ENPP1: variants seen among roughly 807,000 people sequenced by gnomAD.
ENPP1 encodes ectonucleotide pyrophosphatase/phosphodiesterase 1, also known as ectonucleotide pyrophosphatase/phosphodiesterase family member 1.
A neutral mutation model predicts 122.8 loss-of-function variants in ENPP1; 73 were observed. The ratio of observed to expected loss-of-function variants is 0.59; its 90% CI spans 0.49 to 0.72. The LOEUF (loss-of-function observed/expected upper bound fraction) is 0.72. ENPP1 is among the 30% of genes least tolerant of loss of function. The pLI, the probability that ENPP1 is intolerant of heterozygous loss-of-function variation, is 0.00. For synonymous variants in ENPP1, 367 were observed against 391.6 expected, an observed-to-expected ratio of 0.94 and a Z score of 0.74; for missense variants, 978 against 1,128.1, an observed-to-expected ratio of 0.87 and a Z score of 1.91.
intron 24 of ENPP1, among the ~76,000 whole-genome samples, chr6:131,886,995 C>A (rs1246242670): frequency 6.9e-6 from 1 of 144,652 alleles, no homozygotes; most frequent in Non-Finnish European, 1.5e-5. Flanking sequence ...AACTCCTGGC[C>A]TCTTATGATC....
At chr6:131,882,834 C>T (rs1201185865) in intron 21 of ENPP1, among the ~76,000 whole-genome samples, 3 of 151,366 alleles carry the variant, frequency 2.0e-5, no homozygotes, top group Non-Finnish European at 4.4e-5. Flanking sequence ...TTCATGGTTC[C>T]TTTCTGCATT....
intron 1 of ENPP1, among the ~76,000 whole-genome samples, chr6:131,821,074 C>G (rs1781479527): frequency 6.6e-6 from 1 of 152,140 alleles, no homozygotes; most frequent in East Asian, 1.9e-4. Context: ...CACTTTACAT[C>G]CTTAACTACC....
chr6:131,826,825 G>A, intron 1 of ENPP1: 1 of 392,566 alleles, frequency 2.5e-6, no homozygotes, highest in Non-Finnish European at 4.8e-6. Flanking sequence ...AACTGTTGAG[G>A]GAGAACACAG....
rs1351424510 is a variant in ENPP1 at position 131,893,060 on chromosome 6, T to A, written c.*2549T>A. 2 of 152,148 alleles carry A rather than the reference T, an allele frequency of 1.3e-5. No homozygotes were observed. Among genetic ancestry groups the A allele is most frequent in the African/African-American group, 4.8e-5 (2 of 41,432 alleles). 9.4% of individuals were successfully genotyped at this position (152,148 alleles called of 1,614,324 possible). A position where few individuals can be genotyped will look rare whatever the true frequency, so the allele number is the denominator to read the frequency against. On this transcript the variant is annotated 3_prime_UTR_variant, in exon 25 of 25. Coordinates refer to ENST00000647893, the MANE Select transcript of ENPP1 (RefSeq NM_006208.3). ...CCTATTTTCTGTCTACTATTCAGAG[T>A]CTTGCTGTGTTTTAATATAATATCC... is the stretch of plus-strand genomic sequence containing the variant.
intron 10 of ENPP1, 28 bp downstream of exon 10, chr6:131,864,599 A>G (rs1447184560): frequency 2.0e-6 from 3 of 1,464,344 alleles, no homozygotes; most frequent in Non-Finnish European, 2.9e-6. Context: ...TTCTATTGTA[A>G]ATACTTCGTT....
Position 131,886,647 on chromosome 6 carries a change from A to G in ENPP1, c.2530A>G (p.Thr844Ala), listed in dbSNP as rs748583046. The G allele has an allele frequency of 1.2e-6, 2 of 1,613,952 alleles. No homozygotes were observed. Among genetic ancestry groups the G allele is most frequent in the Admixed American group, 1.7e-5 (1 of 60,026 alleles). ...AACAAGCTGTAAAGATACATCTCAGACGCCTTTGCACTGTGAAAACCTAGA... is the reference window on the plus strand; with the variant it reads ...AACAAGCTGTAAAGATACATCTCAGGCGCCTTTGCACTGTGAAAACCTAGA... ...VLTSCKDTSQ[T>A]PLHCENLDTL... Residue 844 changes from threonine (T) to alanine (A), a missense_variant, in exon 24 of 25, where the codon ACG becomes GCG. This residue lies in a region of ENPP1 where 644 missense variants were observed against 781.5 expected (regional missense o/e 0.82). Transcript: ENST00000647893.
At chr6:131,863,688 G>A (rs374552857) in intron 9 of ENPP1, among the ~76,000 whole-genome samples, 7 of 151,602 alleles carry the variant, frequency 4.6e-5, no homozygotes, top group African/African-American at 1.7e-4. Flanking sequence ...GCTGAGGCAG[G>A]CGGATCACGA....
intron 1 of ENPP1, among the ~76,000 whole-genome samples, chr6:131,817,982 T>C (rs1781437048): frequency 6.8e-6 from 1 of 146,948 alleles, no homozygotes; most frequent in Non-Finnish European, 1.5e-5. Context: ...TTTGAGAGTC[T>C]TAAAAAAAAA....
At position 131,864,808 on chromosome 6, in the gene ENPP1, T is replaced by C. The variant is rs1782068123; in HGVS notation, c.1092-58T>C. ...CCCTATCAATTGATGAATTATTTTTTCCATTCTGTTTTTCAATGTGTTCGT... is the reference window on the plus strand; with the variant it reads ...CCCTATCAATTGATGAATTATTTTTCCCATTCTGTTTTTCAATGTGTTCGT... On this transcript the variant is annotated intron_variant, in intron 10 of 24. Transcript: ENST00000647893. 5 of 1,129,630 alleles carry C rather than the reference T, an allele frequency of 4.4e-6. No homozygotes were observed. In the East Asian group the frequency reaches 7.0e-5, roughly 16 times the overall value. 70.0% of individuals were successfully genotyped at this position (1,129,630 alleles called of 1,614,324 possible). A position where few individuals can be genotyped will look rare whatever the true frequency, so the allele number is the denominator to read the frequency against.
chr6:131,858,637 T>C (rs1385078302), intron 6 of ENPP1, 31 bp from the exon 7 acceptor site: 3 of 1,405,338 alleles, frequency 2.1e-6, no homozygotes, highest in Non-Finnish European at 3.0e-6. Context: ...CAGATGTATT[T>C]AATAACAATG....
At position 131,875,521 on chromosome 6, in the gene ENPP1, A is replaced by G. The variant is rs187613783; in HGVS notation, c.1636-255A>G. Among the ~76,000 whole-genome samples the G allele has an allele frequency of 1.1e-4, 17 of 152,308 alleles. No individual in the cohort carries two copies. In the East Asian group the frequency reaches 2.7e-3, roughly 24 times the overall value. On this transcript the variant is annotated intron_variant, in intron 16 of 24. Transcript: ENST00000647893. ...TATTGCATGTCATAGATGAAAAAAAAATGTTATCATTCATTCTGTTCTGAT... is the reference window on the plus strand; with the variant it reads ...TATTGCATGTCATAGATGAAAAAAAGATGTTATCATTCATTCTGTTCTGAT...
intron 17 of ENPP1, 26 bp downstream of exon 17, chr6:131,875,889 C>A: frequency 6.4e-7 from 1 of 1,564,290 alleles, no homozygotes; most frequent in Non-Finnish European, 8.8e-7. Flanking sequence ...TGCCTTTTTT[C>A]CCTTCTGAAA....
At chr6:131,869,969 A>C (rs1197116613) in intron 13 of ENPP1, among the ~76,000 whole-genome samples, 1 of 152,108 alleles carries the variant, frequency 6.6e-6, no homozygotes, top group Non-Finnish European at 1.5e-5. Context: ...GCTTTTGTAC[A>C]CAAATGGATT....
chr6:131,852,889 G>T lies in ENPP1; in HGVS notation c.617+654G>T, dbSNP rs537663792. ...ATTTTTTTAAAATAATTCATATTTG[G>T]TTTTTTTGTCCTTCAGATATTTTGT... is the stretch of plus-strand genomic sequence containing the variant. On this transcript the variant is annotated intron_variant, in intron 5 of 24. Transcript: ENST00000647893. Among the ~76,000 whole-genome samples the T allele has an allele frequency of 2.3e-4, 35 of 151,628 alleles. No homozygotes were observed. The East Asian group carries it at 3.3e-3, about 14-fold the overall frequency.
At chr6:131,808,335 C>G (rs1370399247) in intron 1 of ENPP1, 60 bp downstream of exon 1, 3 of 1,437,962 alleles carry the variant, frequency 2.1e-6, no homozygotes, top group Non-Finnish European at 2.8e-6. Context: ...AGGGCGGCGC[C>G]GAGCTCCTGC....
At chr6:131,814,893 C>T (rs1300881681) in intron 1 of ENPP1, among the ~76,000 whole-genome samples, 5 of 152,154 alleles carry the variant, frequency 3.3e-5, no homozygotes. Context: ...TAGTACCTGA[C>T]ACTCAATGTC....
chr6:131,842,749 A>G (rs1781758337), intron 1 of ENPP1, among the ~76,000 whole-genome samples: 1 of 152,074 alleles, frequency 6.6e-6, no homozygotes, highest in Non-Finnish European at 1.5e-5. Context: ...TAAGGGTAGG[A>G]GTTGTTTTAT....
intron 21 of ENPP1, among the ~76,000 whole-genome samples, chr6:131,882,827 A>G (rs1289508269): frequency 2.0e-5 from 3 of 151,708 alleles, no homozygotes; most frequent in Non-Finnish European, 2.9e-5. Context: ...AGAACACTTC[A>G]TGGTTCCTTT....
At chr6:131,865,410 G>A (rs768184476) in intron 11 of ENPP1, among the ~76,000 whole-genome samples, 12 of 152,168 alleles carry the variant, frequency 7.9e-5, no homozygotes, top group Non-Finnish European at 1.8e-4. Flanking sequence ...TATCAAAAGT[G>A]TAGCGATATT....
Sources: gnomAD v4.1 joint callset for allele counts (sites outside exome capture counted in the v4.1 genomes callset) on GRCh38, gnomAD v4.1.1 for gene constraint, gnomAD v4.1.1 regional missense constraint, MANE v1.5 for transcripts, NCBI Gene and HGNC (gene_info 2026-07-23, HGNC 2026-07-21) for gene names.